The following PTP4A1 variants were observed in gnomAD, a reference collection of about 807,000 sequenced individuals.
The protein encoded by PTP4A1 is protein tyrosine phosphatase 4A1.
In PTP4A1, 9 loss-of-function variants were observed where a neutral mutation model predicts 20.5. That is an observed-to-expected ratio of 0.44 (90% confidence interval 0.26 to 0.77). PTP4A1 has a LOEUF of 0.77. Ranked by LOEUF, PTP4A1 falls within the 30% of genes least tolerant of loss-of-function variation. The pLI is 0.19. For missense variants in PTP4A1, 137 were observed against 218.8 expected (o/e 0.63, Z 2.36); for synonymous variants, 78 against 67.4 (o/e 1.16, Z -0.77).
chr6:63,550,366 G>A (rs1244106537), exon 3 of PTP4A1: 1 of 152,138 alleles, frequency 6.6e-6, no homozygotes, highest in Non-Finnish European at 1.5e-5. Context: ...TCACCATTTG[G>A]TGAGCTGAGG....
Position 63,576,862 on chromosome 6 carries a change from GTT to G in PTP4A1, c.-14_-13del. 6.3e-7 allele frequency: 1 copy of G among 1,594,998 alleles called. No individual in the cohort carries two copies. Among genetic ancestry groups the G allele is most frequent in the Non-Finnish European group, 8.6e-7 (1 of 1,167,856 alleles). On this transcript the variant is annotated 5_prime_UTR_variant, in exon 2 of 6. Transcript: ENST00000626021. ...TAATTATTTCATAACCCTATTGAGTGTTTTTTAACTAAATTAACATGGCTCGA... is the reference window on the plus strand; with the variant it reads ...TAATTATTTCATAACCCTATTGAGTGTTTTAACTAAATTAACATGGCTCGA...
At chr6:63,573,656 A>C (rs1777647870) in intron 1 of PTP4A1, 1 of 152,328 alleles carries the variant, frequency 6.6e-6, no homozygotes, top group Admixed American at 6.5e-5. Flanking sequence ...CCCAGGCTCC[A>C]CCTGGTAATT....
chr6:63,540,896 G>C (rs1036598768), intron 2 of PTP4A1, among the ~76,000 whole-genome samples: 3 of 150,884 alleles, frequency 2.0e-5, no homozygotes, highest in African/African-American at 7.3e-5. Context: ...CCAACTACTC[G>C]GGAGGCTGAG....
rs1778062538 is a variant in PTP4A1, at chr6:63,579,203, T to C, written c.330-54T>C. On this transcript the variant is annotated intron_variant, in intron 4 of 5. Transcript: ENST00000626021. The stretch of plus-strand genomic sequence containing the variant: ...GTTGGGGAATGTTTGGAGAAATAAA[T>C]TTACAAAGATCTGATTTTGAAAAAA... The C allele has an allele frequency of 2.6e-6, 4 of 1,530,888 alleles. No individual in the cohort carries two copies. The Admixed American group carries it at 7.4e-5, about 28-fold the overall frequency. The allele number at this position is 1,530,888 out of a possible 1,614,324, so 94.8% of individuals were successfully genotyped here.
chr6:63,550,001 A>T (rs1374443294), intron 2 of PTP4A1, among the ~76,000 whole-genome samples: 2 of 152,228 alleles, frequency 1.3e-5, no homozygotes, highest in East Asian at 3.8e-4. Flanking sequence ...TGAGATGAGG[A>T]ACACACTAAT....
intron 2 of PTP4A1, among the ~76,000 whole-genome samples, chr6:63,528,855 G>A (rs896360465): frequency 2.0e-5 from 3 of 152,014 alleles, no homozygotes; most frequent in East Asian, 1.9e-4. Flanking sequence ...TTGGGAGGCC[G>A]AGGCCGGTGG....
chr6:63,543,749 A>G (rs1434222956), intron 2 of PTP4A1, among the ~76,000 whole-genome samples: 1 of 152,210 alleles, frequency 6.6e-6, no homozygotes, highest in Non-Finnish European at 1.5e-5. Flanking sequence ...CTCCTAAGTC[A>G]AGTGAAACTT....
At chr6:63,578,218 ATATG>A (rs933780983) in intron 2 of PTP4A1, among the ~76,000 whole-genome samples, 63 of 152,350 alleles carry the variant, frequency 4.1e-4, no homozygotes, top group Non-Finnish European at 5.9e-4. Flanking sequence ...TTTATTAAAA[ATATG>A]TATGGTATTT....
At chr6:63,570,575 TCA>T (rs1777374636), upstream of PTP4A1, among the ~76,000 whole-genome samples, 1 of 152,200 alleles carries the variant, frequency 6.6e-6, no homozygotes, top group Non-Finnish European at 1.5e-5. Flanking sequence ...ACAACTTGTA[TCA>T]CAAGTTCTAC....
Position 63,579,229 on chromosome 6 carries a change from C to G in PTP4A1, c.330-28C>G, listed in dbSNP as rs760104164. On this transcript the variant is annotated intron_variant, in intron 4 of 5. Transcript: ENST00000626021. ...TTACAAAGATCTGATTTTGAAAAAA[C>G]TATTTATCAAAATTCTTACCTCACC... The G allele has an allele frequency of 3.8e-6, 6 of 1,569,866 alleles. No individual in the cohort carries two copies. In the Admixed American group the frequency reaches 9.4e-5, roughly 25 times the overall value.
intron 1 of PTP4A1, chr6:63,521,915 T>C (rs1774940395): frequency 6.6e-6 from 1 of 152,236 alleles, no homozygotes; most frequent in African/African-American, 2.4e-5. Flanking sequence ...AATATATTAA[T>C]CTAATTCTCT....
chr6:63,540,556 G>A (rs536915291), intron 2 of PTP4A1, among the ~76,000 whole-genome samples: 1 of 152,190 alleles, frequency 6.6e-6, no homozygotes, highest in South Asian at 2.1e-4. Context: ...AGGAGGCGGA[G>A]GTTGCAGTAA....
At chr6:63,563,674 C>A (rs1302109713) in intron 3 of PTP4A1, among the ~76,000 whole-genome samples, 1 of 152,168 alleles carries the variant, frequency 6.6e-6, no homozygotes, top group Admixed American at 6.5e-5. Flanking sequence ...GAGTGCCTGG[C>A]ATATGCTAGG....
intron 1 of PTP4A1, 27 bp from the exon 2 acceptor site, chr6:63,576,405 TTCTC>T (rs952747250): frequency 2.0e-5 from 8 of 399,824 alleles, no homozygotes; most frequent in Non-Finnish European, 3.1e-5. Flanking sequence ...AAATAACTTA[TTCTC>T]TCTTTCTGTC....
intron 2 of PTP4A1, among the ~76,000 whole-genome samples, chr6:63,547,496 G>A: frequency 6.8e-6 from 1 of 147,694 alleles, no homozygotes; most frequent in Middle Eastern, 3.4e-3. Context: ...GGCCAGGGGG[G>A]AATTTTTTTT....
chr6:63,549,563 G>T (rs1259336802), intron 2 of PTP4A1: 2 of 599,798 alleles, frequency 3.3e-6, no homozygotes, highest in African/African-American at 1.9e-5. Context: ...GACAAGATTT[G>T]AAGTTTTTTT....
At chr6:63,520,979 A>C (rs1774898994), upstream of PTP4A1, among the ~76,000 whole-genome samples, 1 of 152,162 alleles carries the variant, frequency 6.6e-6, no homozygotes, top group Non-Finnish European at 1.5e-5. Context: ...AAACTAACAC[A>C]GGAACAGGAA....
the PTP4A1 span, among the ~76,000 whole-genome samples, chr6:63,516,507 A>C: frequency 1.3e-5 from 2 of 152,198 alleles, no homozygotes; most frequent in South Asian, 4.1e-4. Context: ...TCTTGACTCC[A>C]CCAGCTGTGA....
In PTP4A1 at chr6:63,555,167, A is replaced by G. The variant is rs183760019; in HGVS notation, c.-446+4674A>G. 4.6e-5 allele frequency among the ~76,000 whole-genome samples: 7 copies of G among 152,308 alleles called. No individual in the cohort carries two copies. In the East Asian group the frequency reaches 1.4e-3, roughly 29 times the overall value. ...GTGCTAACTGACCCTTTCTTCTTCA[A>G]AGAAGATCTAGTTGGCTCAGCAAAG... On this transcript the variant is annotated intron_variant, in intron 3 of 3. Coordinates refer to the PTP4A1 transcript ENST00000639568.
Sources: allele counts gnomAD v4.1 joint callset (sites outside exome capture counted in the v4.1 genomes callset), GRCh38; gene constraint gnomAD v4.1.1; transcripts MANE v1.5; gene names NCBI Gene and HGNC (gene_info 2026-07-23, HGNC 2026-07-21).